SP4: variants seen among roughly 807,000 people sequenced by gnomAD.
SP4 encodes the protein Sp4 transcription factor.
A neutral mutation model predicts 72.8 loss-of-function variants in SP4; 19 were observed. The observed-to-expected ratio is 0.26, with a 90% CI of 0.18 to 0.38. The LOEUF (loss-of-function observed/expected upper bound fraction) is 0.38. SP4 is among the 10% of genes least tolerant of loss of function. The pLI is 1.00. For synonymous variants in SP4, 395 were observed against 333.1 expected (o/e 1.19, Z -2.02); for missense variants, 1,008 against 926.3 (o/e 1.09, Z -1.14).
chr7:21,453,841 C>T (rs951942683), intron 3 of SP4, among the ~76,000 whole-genome samples: 4 of 152,154 alleles, frequency 2.6e-5, no homozygotes, highest in African/African-American at 2.4e-5. Context: ...CGTGTTCACA[C>T]AGGATTTCTT....
At chr7:21,442,599 A>G (rs897570208) in intron 3 of SP4, among the ~76,000 whole-genome samples, 2 of 152,170 alleles carry the variant, frequency 1.3e-5, no homozygotes, top group African/African-American at 4.8e-5. Flanking sequence ...GGTTCTGGGA[A>G]TGTTTTCATG....
chr7:21,451,131 T>G (rs908449589), intron 3 of SP4, among the ~76,000 whole-genome samples: 1 of 152,230 alleles, frequency 6.6e-6, no homozygotes, highest in Admixed American at 6.5e-5. Flanking sequence ...TGAAGTTTTA[T>G]GCATGCTCTC....
rs1384401794 is a variant in SP4, at chr7:21,512,236, A to G, written c.*967A>G. 6.6e-6 allele frequency: 1 copy of G among 152,634 alleles called. No individual in the cohort carries two copies. The highest frequency in any genetic ancestry group is 2.4e-5 in the African/African-American group (1 of 41,456). 9.5% of individuals were successfully genotyped at this position (152,634 alleles called of 1,614,324 possible). ...AGAATTCTTTATGCTTTGATGTGGT[A>G]GCCAAAGAAAGAATTACACTTTTTT... On this transcript the variant is annotated 3_prime_UTR_variant, in exon 6 of 6. Coordinates refer to ENST00000222584, the MANE Select transcript of SP4 (RefSeq NM_003112.5).
intron 5 of SP4, 59 bp from the exon 6 acceptor site, chr7:21,510,963 A>G: frequency 6.7e-7 from 1 of 1,493,686 alleles, no homozygotes; most frequent in Non-Finnish European, 9.0e-7. Context: ...AGATTATTAA[A>G]AATTATAATT....
intron 3 of SP4, among the ~76,000 whole-genome samples, chr7:21,462,195 T>G (rs1275940365): frequency 6.6e-6 from 1 of 151,956 alleles, no homozygotes; most frequent in Non-Finnish European, 1.5e-5. Context: ...CCCAGCTAAT[T>G]TTTGTATTTT....
chr7:21,478,497 G>C (rs1198374253), intron 4 of SP4, among the ~76,000 whole-genome samples: 2 of 113,440 alleles, frequency 1.8e-5, no homozygotes, highest in East Asian at 4.2e-4. Flanking sequence ...AATAGGGTAT[G>C]AAGGTTCCAG....
intron 3 of SP4, among the ~76,000 whole-genome samples, chr7:21,472,270 T>TTTGA (rs1240512791): frequency 7.5e-6 from 1 of 132,608 alleles, no homozygotes; most frequent in Non-Finnish European, 1.8e-5. Flanking sequence ...GTGTATTTTG[T>TTTGA]TTGATTGTTT....
At chr7:21,439,987 TC>T (rs1467303483) in intron 3 of SP4, among the ~76,000 whole-genome samples, 1 of 152,208 alleles carries the variant, frequency 6.6e-6, no homozygotes, top group Non-Finnish European at 1.5e-5. Flanking sequence ...TTATGAAGCT[TC>T]TCTTTTCCTC....
At chr7:21,504,704 A>T (rs1283665743) in intron 5 of SP4, among the ~76,000 whole-genome samples, 1 of 152,200 alleles carries the variant, frequency 6.6e-6, no homozygotes, top group Non-Finnish European at 1.5e-5. Context: ...TCTTAATAAT[A>T]TGGCTTCATA....
intron 3 of SP4, among the ~76,000 whole-genome samples, chr7:21,461,505 C>T (rs57450186): frequency 0.071 from 10,852 of 152,214 alleles, 915 homozygotes; most frequent in East Asian, 0.28. Flanking sequence ...TGCCGGGGGC[C>T]AGCAGGGCCG....
At chr7:21,464,522 T>A (rs1784105556) in intron 3 of SP4, among the ~76,000 whole-genome samples, 1 of 152,190 alleles carries the variant, frequency 6.6e-6, no homozygotes, top group African/African-American at 2.4e-5. Flanking sequence ...TTCCTAAAAC[T>A]GAGATCTGAT....
At chr7:21,461,090 G>A (rs764842083) in intron 3 of SP4, among the ~76,000 whole-genome samples, 1 of 152,248 alleles carries the variant, frequency 6.6e-6, no homozygotes, top group Non-Finnish European at 1.5e-5. Context: ...TAGACGTAAA[G>A]GTTGTCTAAG....
At chr7:21,473,163 GA>G (rs563542097) in intron 3 of SP4, among the ~76,000 whole-genome samples, 287 of 152,302 alleles carry the variant, frequency 1.9e-3, no homozygotes, top group African/African-American at 6.0e-3. Context: ...GGCACAGATT[GA>G]ACAAGGGCTT....
intron 5 of SP4, among the ~76,000 whole-genome samples, chr7:21,510,284 C>T (rs1782108089): frequency 6.6e-6 from 1 of 152,174 alleles, no homozygotes; most frequent in African/African-American, 2.4e-5. Context: ...TCATTGTGCA[C>T]ATCAGGATAA....
intron 5 of SP4, among the ~76,000 whole-genome samples, chr7:21,486,342 GAATTAAGA>G (rs1158141557): frequency 6.6e-6 from 1 of 151,928 alleles, no homozygotes; most frequent in Non-Finnish European, 1.5e-5. Context: ...TACCTTATGA[GAATTAAGA>G]AATTAACATT....
chr7:21,475,948 G>A (rs933326006), intron 3 of SP4, among the ~76,000 whole-genome samples: 2 of 152,110 alleles, frequency 1.3e-5, no homozygotes, highest in African/African-American at 4.8e-5. Context: ...TGGAGAGAAT[G>A]TAGAACTGTG....
In SP4 at chr7:21,428,664, G is replaced by A; in HGVS notation, c.8-13G>A. On this transcript the variant is annotated splice_polypyrimidine_tract_variant and intron_variant, in intron 1 of 5. Transcript: ENST00000222584. ...CTGTTGTCGTGTGTGTGTGGTGGGG[G>A]GGTTTGTTGCAGATCAGAAGAAGGA... 1 of 1,536,918 alleles carries A rather than the reference G, an allele frequency of 6.5e-7. No individual in the cohort carries two copies. Among genetic ancestry groups the A allele is most frequent in the Non-Finnish European group, 8.8e-7 (1 of 1,133,922 alleles).
chr7:21,470,907 C>T (rs1171729011), intron 3 of SP4, among the ~76,000 whole-genome samples: 1 of 152,052 alleles, frequency 6.6e-6, no homozygotes, highest in African/African-American at 2.4e-5. Flanking sequence ...GTTACAATAC[C>T]AAGAAATTTT....
chr7:21,470,698 CCTACCAACA>C (rs1369342943), intron 3 of SP4, among the ~76,000 whole-genome samples: 1 of 150,716 alleles, frequency 6.6e-6, no homozygotes, highest in Non-Finnish European at 1.5e-5. Context: ...TGTCTTACTA[CCTACCAACA>C]AACTGTCCCC....
Sources: allele counts gnomAD v4.1 joint callset (sites outside exome capture counted in the v4.1 genomes callset), GRCh38; gene constraint gnomAD v4.1.1; transcripts MANE v1.5; gene names NCBI Gene and HGNC (gene_info 2026-07-23, HGNC 2026-07-21).